The following RPGRIP1L variants were observed in gnomAD, a reference collection of about 807,000 sequenced individuals.
RPGRIP1L encodes the protein protein fantom.
A neutral mutation model predicts 160.4 loss-of-function variants in RPGRIP1L; 131 were observed. That is an observed-to-expected ratio of 0.82 (90% CI 0.71 to 0.94). The LOEUF (loss-of-function observed/expected upper bound fraction) is 0.94. Ranked by LOEUF, RPGRIP1L falls within the 40% of genes least tolerant of loss-of-function variation. RPGRIP1L has a pLI of 0.00. For missense variants in RPGRIP1L, 1,522 were observed against 1,535.8 expected, an observed-to-expected ratio of 0.99 and a Z score of 0.15; for synonymous variants, 510 against 515.8, an observed-to-expected ratio of 0.99 and a Z score of 0.15.
In RPGRIP1L at chr16:53,601,883, G is replaced by A; in HGVS notation, c.*193C>T. On this transcript the variant is annotated 3_prime_UTR_variant, in exon 27 of 27. Transcript: ENST00000647211. The stretch of plus-strand genomic sequence containing the variant: ...TTAAGTCCTGAGGGGTGGCAGTTAT[G>A]AGAAGGAGGGAATAGAGAAATAAAC... The A allele has an allele frequency of 1.7e-6, 1 of 575,180 alleles. No homozygotes were observed. The highest frequency in any genetic ancestry group is 1.9e-5 in the South Asian group (1 of 52,084). 35.6% of individuals were successfully genotyped at this position (575,180 alleles called of 1,614,324 possible). A position where few individuals can be genotyped will look rare whatever the true frequency, so the allele number is the denominator to read the frequency against.
rs1396603807 is a variant in RPGRIP1L, at chr16:53,599,285, T to A, written c.*2791A>T. The A allele has an allele frequency of 6.6e-6, 1 of 152,224 alleles. No homozygotes were observed. Among genetic ancestry groups the A allele is most frequent in the Non-Finnish European group, 1.5e-5 (1 of 68,036 alleles). The allele number at this position is 152,224 out of a possible 1,614,324, so 9.4% of individuals were successfully genotyped here. A position where few individuals can be genotyped will look rare whatever the true frequency, so the allele number is the denominator to read the frequency against. ...ATTAAACATATTCTTTATGTATTTT[T>A]AAAAAAACTAATTTAAGTTAAATGG... On this transcript the variant is annotated 3_prime_UTR_variant, in exon 27 of 27. Coordinates refer to ENST00000647211, the MANE Select transcript of RPGRIP1L (RefSeq NM_015272.5).
At chr16:53,616,334 CCCCCTG>C (rs1167898824) in intron 24 of RPGRIP1L, among the ~76,000 whole-genome samples, 1 of 152,068 alleles carries the variant, frequency 6.6e-6, no homozygotes, top group East Asian at 1.9e-4. Context: ...TCAAGGAGAT[CCCCCTG>C]CAATGGAGAT....
Position 53,602,153 on chromosome 16 carries a change from TG to T in RPGRIP1L, c.3870del (p.Lys1291SerfsTer4). 1.2e-6 allele frequency: 2 copies of T among 1,613,892 alleles called. No homozygotes were observed. Among genetic ancestry groups the T allele is most frequent in the Non-Finnish European group, 1.7e-6 (2 of 1,179,824 alleles). On this transcript the variant is annotated frameshift_variant, in exon 27 of 27. Transcript: ENST00000647211. LOFTEE classifies it high-confidence loss of function. ...FDARADGEGI[G>X]KLRVTVEALH... ...AGAGCTTCGACTGTTACCCTGAGCT[TG>T]CCAATACCTTCACCATCTGCTCGTG...
intron 3 of RPGRIP1L, 120 bp from the exon 4 acceptor site, chr16:53,692,484 T>G (rs1238423537): frequency 3.1e-6 from 3 of 957,098 alleles, no homozygotes; most frequent in Non-Finnish European, 4.9e-6. Context: ...AAATTTCAGG[T>G]TTTGATGTAA....
chr16:53,638,028 A>G (rs984400687), intron 20 of RPGRIP1L, among the ~76,000 whole-genome samples, 174 bp from the exon 21 acceptor site: 1 of 152,194 alleles, frequency 6.6e-6, no homozygotes, highest in Admixed American at 6.5e-5. Context: ...ATGATAATAT[A>G]TAGATAAATG....
Position 53,638,230 on chromosome 16 carries a change from G to A in RPGRIP1L, c.3060+80C>T, listed in dbSNP as rs537109143. Reference sequence around the variant, plus strand: ...AATAGGGGAAATGCTATGACTTCCTGAGTCATGTCAAAACTTATAAGACAA... The same window carrying A: ...AATAGGGGAAATGCTATGACTTCCTAAGTCATGTCAAAACTTATAAGACAA... On this transcript the variant is annotated intron_variant, in intron 20 of 26. Transcript: ENST00000647211. 2.0e-4 allele frequency: 176 copies of A among 868,036 alleles called. 1 individual carries two copies. The highest frequency in any genetic ancestry group is 6.5e-4 in the Middle Eastern group (3 of 4,610). The allele number at this position is 868,036 out of a possible 1,614,324, so 53.8% of individuals were successfully genotyped here. A position where few individuals can be genotyped will look rare whatever the true frequency, so the allele number is the denominator to read the frequency against.
intron 17 of RPGRIP1L, among the ~76,000 whole-genome samples, chr16:53,644,416 AT>A (rs1487601640): frequency 6.6e-6 from 1 of 152,252 alleles, no homozygotes; most frequent in African/African-American, 2.4e-5. Context: ...GGAGAAAAAA[AT>A]AACTGAAAAA....
chr16:53,649,312 T>C, intron 15 of RPGRIP1L, among the ~76,000 whole-genome samples, 197 bp from the exon 16 acceptor site: 1 of 152,322 alleles, frequency 6.6e-6, no homozygotes, highest in South Asian at 2.1e-4. Flanking sequence ...AGTTTCATTG[T>C]ATATTAAATA....
chr16:53,658,194 T>G (rs1399451121), intron 12 of RPGRIP1L, among the ~76,000 whole-genome samples: 2 of 152,140 alleles, frequency 1.3e-5, no homozygotes, highest in Non-Finnish European at 2.9e-5. Context: ...TTTGATGTCA[T>G]TATGAAATAT....
In RPGRIP1L at chr16:53,653,439, C is replaced by A. The variant is rs190002194; in HGVS notation, c.1700-452G>T. The stretch of plus-strand genomic sequence containing the variant: ...TGATGGATAAGTTTATTATCCTGAT[C>A]ATGATGATGGTTTCACCGTTATATA... On this transcript the variant is annotated intron_variant, in intron 14 of 26. Transcript: ENST00000647211. 15 of 669,016 alleles carry A rather than the reference C, an allele frequency of 2.2e-5. No individual in the cohort carries two copies. In the East Asian group the frequency reaches 1.6e-3, roughly 73 times the overall value. The allele number at this position is 669,016 out of a possible 1,614,324, so 41.4% of individuals were successfully genotyped here.
intron 6 of RPGRIP1L, among the ~76,000 whole-genome samples, chr16:53,685,669 CAT>C (rs1969949680): frequency 6.9e-6 from 1 of 145,724 alleles, no homozygotes; most frequent in South Asian, 2.1e-4. Context: ...CACATGGACA[CAT>C]AGGGTGGGGG....
At chr16:53,700,344 G>A (rs1228678826) in intron 2 of RPGRIP1L, among the ~76,000 whole-genome samples, 1 of 152,176 alleles carries the variant, frequency 6.6e-6, no homozygotes, top group African/African-American at 2.4e-5. Flanking sequence ...ATTCAGTTTG[G>A]AGGCTTGATA....
intron 16 of RPGRIP1L, among the ~76,000 whole-genome samples, chr16:53,647,420 T>G (rs977264583): frequency 6.6e-5 from 10 of 152,214 alleles, no homozygotes; most frequent in African/African-American, 2.4e-4. Flanking sequence ...TTTTTCTGTA[T>G]GTTTGTTCAT....
intron 9 of RPGRIP1L, among the ~76,000 whole-genome samples, chr16:53,668,224 G>A (rs1315905810): frequency 6.6e-6 from 1 of 152,160 alleles, no homozygotes; most frequent in African/African-American, 2.4e-5. Flanking sequence ...TTGATCACAT[G>A]AGATTTTATG....
rs2151161924 is a variant in RPGRIP1L, at chr16:53,658,402, T to A, written c.1401+12A>T. 2 of 1,602,094 alleles carry A rather than the reference T, an allele frequency of 1.2e-6. No homozygotes were observed. The highest frequency in any genetic ancestry group is 1.7e-6 in the Non-Finnish European group (2 of 1,169,252). ...GCAGACATGAAAATCACGATGAAGT[T>A]CAGAACCTTACCTTTATAAGTAGGA... is the stretch of plus-strand genomic sequence containing the variant. On this transcript the variant is annotated intron_variant, in intron 12 of 26. Transcript: ENST00000647211.
chr16:53,665,911 C>T (rs1454044142), intron 9 of RPGRIP1L, among the ~76,000 whole-genome samples: 1 of 152,054 alleles, frequency 6.6e-6, no homozygotes, highest in Non-Finnish European at 1.5e-5. Flanking sequence ...TTAGAAAGCT[C>T]CCCAGATGAT....
At chr16:53,699,870 A>G (rs990981000) in intron 2 of RPGRIP1L, among the ~76,000 whole-genome samples, 8 of 151,906 alleles carry the variant, frequency 5.3e-5, no homozygotes, top group Non-Finnish European at 2.9e-5. Flanking sequence ...TATCTTTTTC[A>G]ATAAACAATA....
At chr16:53,636,748 C>T (rs1398931774) in intron 21 of RPGRIP1L, among the ~76,000 whole-genome samples, 1 of 151,946 alleles carries the variant, frequency 6.6e-6, no homozygotes, top group Non-Finnish European at 1.5e-5. Context: ...AATAAAAATA[C>T]AGCTTATTGT....
At chr16:53,678,000 T>C (rs59197175) in intron 6 of RPGRIP1L, among the ~76,000 whole-genome samples, 1 of 152,096 alleles carries the variant, frequency 6.6e-6, no homozygotes, top group Non-Finnish European at 1.5e-5. Context: ...GCATTACACA[T>C]GGTGAAATGA....
Sources: gnomAD v4.1 joint callset for allele counts (sites outside exome capture counted in the v4.1 genomes callset) on GRCh38, gnomAD v4.1.1 for gene constraint, MANE v1.5 for transcripts, NCBI Gene and HGNC (gene_info 2026-07-23, HGNC 2026-07-21) for gene names.